Variants in SNCAIP observed in about 807,000 individuals in gnomAD.
SNCAIP encodes the protein synphilin-1.
A neutral mutation model predicts 86.7 loss-of-function variants in SNCAIP; 43 were observed. The ratio of observed to expected loss-of-function variants is 0.50; its 90% CI spans 0.39 to 0.64. The LOEUF is 0.64. Ranked by LOEUF, SNCAIP falls within the 30% of genes least tolerant of loss-of-function variation. The probability of loss-of-function intolerance (pLI) is 0.00; values close to 1 mark genes in which losing one functional copy is unlikely to be tolerated. For synonymous variants in SNCAIP, 417 were observed against 427.2 expected, an observed-to-expected ratio of 0.98 and a Z score of 0.29; for missense variants, 981 against 1,103.1, an observed-to-expected ratio of 0.89 and a Z score of 1.57.
chr5:122,390,897 G>T (rs1406990628), intron 1 of SNCAIP, among the ~76,000 whole-genome samples, 192 bp from the exon 2 acceptor site: 1 of 152,156 alleles, frequency 6.6e-6, no homozygotes, highest in Non-Finnish European at 1.5e-5. Context: ...GCCACACTGG[G>T]GACCATGGAG....
At chr5:122,331,191 T>C (rs1019060633) in intron 1 of SNCAIP, among the ~76,000 whole-genome samples, 6 of 152,188 alleles carry the variant, frequency 3.9e-5, no homozygotes, top group Non-Finnish European at 7.3e-5. Context: ...CGAACTGATA[T>C]CAGTCCATGG....
intron 1 of SNCAIP, chr5:122,321,832 A>G (rs1447889424): frequency 1.3e-5 from 2 of 152,194 alleles, no homozygotes; most frequent in African/African-American, 2.4e-5. Context: ...CTAGGCTTCT[A>G]ACCTAGAATT....
intron 1 of SNCAIP, among the ~76,000 whole-genome samples, chr5:122,380,380 G>A (rs1400385933): frequency 1.3e-5 from 2 of 151,972 alleles, no homozygotes; most frequent in Non-Finnish European, 2.9e-5. Context: ...TGGGATCAGT[G>A]GTGATATCCC....
At chr5:122,392,779 A>G (rs1345509778) in intron 2 of SNCAIP, among the ~76,000 whole-genome samples, 1 of 152,202 alleles carries the variant, frequency 6.6e-6, no homozygotes, top group East Asian at 1.9e-4. Flanking sequence ...AAATAATAAT[A>G]TATGTGAAAC....
intron 2 of SNCAIP, 72 bp downstream of exon 2, chr5:122,391,263 T>C (rs1027887854): frequency 9.7e-7 from 1 of 1,034,364 alleles, no homozygotes; most frequent in Non-Finnish European, 1.5e-6. Context: ...CTTTCTCCAT[T>C]ATAGTCTATA....
At position 122,440,873 on chromosome 5, in the gene SNCAIP, C is replaced by T. The variant is rs537449683; in HGVS notation, c.1422+119C>T. On this transcript the variant is annotated intron_variant, in intron 7 of 10. Transcript: ENST00000261368. The stretch of plus-strand genomic sequence containing the variant: ...AATTCACCTTTTGTATGGTCGTAGA[C>T]AATAAGGAATTATTGCTCTATTTGT... 75 of 946,612 alleles carry T rather than the reference C, an allele frequency of 7.9e-5. No homozygotes were observed. The African/African-American group carries it at 9.1e-4, about 12-fold the overall frequency. 58.6% of individuals were successfully genotyped at this position (946,612 alleles called of 1,614,324 possible).
intron 1 of SNCAIP, among the ~76,000 whole-genome samples, chr5:122,378,304 T>A (rs11241643): frequency 7.3e-6 from 1 of 137,500 alleles, no homozygotes; most frequent in African/African-American, 2.7e-5. Context: ...TGATGAGCAT[T>A]TTTTCATGTG....
intron 8 of SNCAIP, among the ~76,000 whole-genome samples, chr5:122,448,769 CAG>C (rs1327345237): frequency 6.9e-6 from 1 of 143,896 alleles, no homozygotes; most frequent in East Asian, 2.0e-4. Flanking sequence ...GTGGGAAAGA[CAG>C]AGTTAGTTTT....
chr5:122,341,890 G>C (rs1179245250), intron 1 of SNCAIP, among the ~76,000 whole-genome samples: 2 of 152,062 alleles, frequency 1.3e-5, no homozygotes, highest in African/African-American at 4.8e-5. Context: ...AAAATCCTTT[G>C]TCTCTCACAA....
chr5:122,443,580 A>C, intron 7 of SNCAIP: 1 of 457,048 alleles, frequency 2.2e-6, no homozygotes, highest in Non-Finnish European at 4.4e-6. Flanking sequence ...GACTAGACTC[A>C]AGATTCAAGG....
intron 1 of SNCAIP, among the ~76,000 whole-genome samples, chr5:122,337,062 G>A (rs1378899351): frequency 1.3e-5 from 2 of 152,186 alleles, no homozygotes; most frequent in East Asian, 3.9e-4. Context: ...GCAAAATGTG[G>A]CAGGAGTCAG....
intron 1 of SNCAIP, among the ~76,000 whole-genome samples, chr5:122,376,794 T>A (rs571658015): frequency 4.8e-4 from 73 of 152,258 alleles, no homozygotes; most frequent in Admixed American, 5.9e-4. Context: ...ACAGAGATGG[T>A]CATGGCAGCA....
chr5:122,445,857 A>G (rs1320666684), intron 8 of SNCAIP, among the ~76,000 whole-genome samples: 3 of 151,826 alleles, frequency 2.0e-5, no homozygotes, highest in African/African-American at 7.3e-5. Context: ...GCTTAGGGAA[A>G]TGTCCCTTCT....
intron 1 of SNCAIP, among the ~76,000 whole-genome samples, chr5:122,380,961 G>C (rs1364329270): frequency 4.1e-4 from 59 of 145,206 alleles, no homozygotes; most frequent in African/African-American, 1.5e-3. Context: ...TTACTTCCAA[G>C]TATGTGGTCA....
At position 122,373,974 on chromosome 5, in the gene SNCAIP, T is replaced by C. The variant is rs1764765738; in HGVS notation, c.-46-17115T>C. On this transcript the variant is annotated intron_variant, in intron 1 of 10. Transcript: ENST00000261368. ...GTACCAGAAAACCAGAATTCTCGAA[T>C]GCAGGAAATGATACAGATCCCTTGT... Among the ~76,000 whole-genome samples the C allele has an allele frequency of 2.0e-5, 3 of 152,190 alleles. No individual in the cohort carries two copies. The South Asian group carries it at 6.2e-4, about 31-fold the overall frequency.
intron 8 of SNCAIP, 70 bp from the exon 9 acceptor site, chr5:122,449,775 A>T: frequency 9.6e-7 from 1 of 1,041,336 alleles, no homozygotes; most frequent in Non-Finnish European, 1.5e-6. Flanking sequence ...ATTACGAAAA[A>T]TATTATACAC....
Position 122,463,506 on chromosome 5 carries a change from T to G in SNCAIP, c.*10T>G. ...TTCTGCTTAGGCATAATGACATCAA[T>G]AGAAAAATGAAGAAATCCTACAGCA... is the stretch of plus-strand genomic sequence containing the variant. On this transcript the variant is annotated 3_prime_UTR_variant, in exon 11 of 11. Transcript: ENST00000261368. 1.2e-6 allele frequency: 2 copies of G among 1,603,756 alleles called. No homozygotes were observed. Among genetic ancestry groups the G allele is most frequent in the Non-Finnish European group, 1.7e-6 (2 of 1,171,530 alleles).
chr5:122,374,529 G>C (rs1013186163), intron 1 of SNCAIP, among the ~76,000 whole-genome samples: 2 of 152,114 alleles, frequency 1.3e-5, no homozygotes, highest in Non-Finnish European at 1.5e-5. Context: ...CCTGTCATTG[G>C]AGAGTATAGC....
At chr5:122,374,980 C>T (rs577719872) in intron 1 of SNCAIP, among the ~76,000 whole-genome samples, 467 of 152,128 alleles carry the variant, frequency 3.1e-3, no homozygotes, top group Non-Finnish European at 4.6e-3. Flanking sequence ...ATGGTGGAAG[C>T]AGATTTTGTT....
Sources: gnomAD v4.1 joint callset for allele counts (sites outside exome capture counted in the v4.1 genomes callset) on GRCh38, gnomAD v4.1.1 for gene constraint, MANE v1.5 for transcripts, NCBI Gene and HGNC (gene_info 2026-07-23, HGNC 2026-07-21) for gene names.